Variants in SHTN1 observed in about 807,000 individuals in gnomAD.
SHTN1 encodes shootin-1.
A neutral mutation model predicts 83.1 loss-of-function variants in SHTN1; 42 were observed. The observed-to-expected ratio is 0.51, with a 90% CI of 0.39 to 0.65. The LOEUF (loss-of-function observed/expected upper bound fraction) is 0.65. Ranked by LOEUF, SHTN1 falls within the 30% of genes least tolerant of loss-of-function variation. The probability of loss-of-function intolerance (pLI) is 0.00; values close to 1 mark genes in which losing one functional copy is unlikely to be tolerated. For synonymous variants in SHTN1, 224 were observed against 247.7 expected, an observed-to-expected ratio of 0.90 and a Z score of 0.90; for missense variants, 622 against 737.8, an observed-to-expected ratio of 0.84 and a Z score of 1.82.
At chr10:117,005,524 G>C, upstream of SHTN1, 1 of 1,003,568 alleles carries the variant, frequency 1.0e-6, no homozygotes, top group Non-Finnish European at 1.2e-6. Flanking sequence ...CTCCACTTTG[G>C]ACGCTTCCCG....
chr10:117,093,638 C>T (rs995541845), intron 1 of SHTN1, among the ~76,000 whole-genome samples: 8 of 152,178 alleles, frequency 5.3e-5, no homozygotes, highest in Admixed American at 1.3e-4. Flanking sequence ...CCAAAGGCTA[C>T]GGACTTTTTC....
At chr10:117,065,882 TGGGGAGGGGAAGGGAGGGGA>T (rs1852992893) in intron 1 of SHTN1, among the ~76,000 whole-genome samples, 1 of 23,556 alleles carries the variant, frequency 4.2e-5, no homozygotes, top group Non-Finnish European at 7.6e-5. Context: ...GGGAGGGAGG[TGGGGAGGGGAAGGGAGGGGA>T]GGGGAGGGGG....
At chr10:116,949,936 T>C (rs1303629014) in intron 6 of SHTN1, among the ~76,000 whole-genome samples, 1 of 152,200 alleles carries the variant, frequency 6.6e-6, no homozygotes, top group Non-Finnish European at 1.5e-5. Flanking sequence ...ATATTGAATT[T>C]AGAAAGCAGG....
chr10:116,989,734 T>G (rs1281581587), intron 1 of SHTN1, among the ~76,000 whole-genome samples: 3 of 152,196 alleles, frequency 2.0e-5, no homozygotes, highest in Admixed American at 1.3e-4. Flanking sequence ...TAAAATGAAG[T>G]GTTCTTTGTT....
chr10:116,936,052 CTCTTTTCTTCTT>C (rs902032410), intron 9 of SHTN1, among the ~76,000 whole-genome samples: 8 of 152,142 alleles, frequency 5.3e-5, no homozygotes, highest in African/African-American at 1.9e-4. Context: ...TGATTCTTCT[CTCTTTTCTTCTT>C]TATTAGTTGG....
At chr10:117,017,407 C>T (rs1166034465) in intron 2 of SHTN1, among the ~76,000 whole-genome samples, 1 of 148,554 alleles carries the variant, frequency 6.7e-6, no homozygotes, top group Non-Finnish European at 1.5e-5. Flanking sequence ...AGGAGAATGG[C>T]GTGAACCCGG....
chr10:116,920,691 C>T (rs1773648397), intron 12 of SHTN1, among the ~76,000 whole-genome samples: 1 of 152,098 alleles, frequency 6.6e-6, no homozygotes, highest in Admixed American at 6.6e-5. Context: ...AGAACCTTGA[C>T]CTTGACCTCC....
chr10:116,991,118 G>C (rs1226766964), intron 1 of SHTN1, among the ~76,000 whole-genome samples: 1 of 151,974 alleles, frequency 6.6e-6, no homozygotes, highest in Admixed American at 6.6e-5. Flanking sequence ...CCCGGGAGGC[G>C]GAGCTTGCAG....
intron 1 of SHTN1, among the ~76,000 whole-genome samples, chr10:117,078,478 A>G (rs551106367): frequency 6.6e-6 from 1 of 152,340 alleles, no homozygotes; most frequent in African/African-American, 2.4e-5. Context: ...GATTGTGGCC[A>G]CATCATTATA....
At chr10:116,963,076 T>A in intron 3 of SHTN1, among the ~76,000 whole-genome samples, 1 of 45,438 alleles carries the variant, frequency 2.2e-5, no homozygotes, top group South Asian at 1.1e-3. Context: ...TTTTTTTTTT[T>A]TTTTTTTTTT....
intron 1 of SHTN1, among the ~76,000 whole-genome samples, chr10:117,122,972 G>A (rs1347011074): frequency 6.6e-6 from 1 of 152,182 alleles, no homozygotes; most frequent in East Asian, 1.9e-4. Flanking sequence ...TAATCTGATT[G>A]GTGAGCACTA....
intron 4 of SHTN1, 57 bp downstream of exon 4, chr10:116,960,079 A>G: frequency 9.5e-7 from 1 of 1,051,146 alleles, no homozygotes; most frequent in East Asian, 2.4e-5. Flanking sequence ...GCCACTGCTT[A>G]GAAAAGCAAG....
chr10:117,022,232 A>AT (rs937532894), intron 2 of SHTN1, among the ~76,000 whole-genome samples: 1 of 152,176 alleles, frequency 6.6e-6, no homozygotes, highest in African/African-American at 2.4e-5. Context: ...TTGAATGAAT[A>AT]TTTTTTGAGA....
chr10:117,075,710 T>C (rs1449995378), intron 1 of SHTN1, among the ~76,000 whole-genome samples: 2 of 152,050 alleles, frequency 1.3e-5, no homozygotes, highest in African/African-American at 4.8e-5. Flanking sequence ...GAAGGAAGAA[T>C]AGAAATTAGT....
At chr10:117,120,676 G>A (rs985389999) in intron 1 of SHTN1, among the ~76,000 whole-genome samples, 1 of 152,144 alleles carries the variant, frequency 6.6e-6, no homozygotes, top group Non-Finnish European at 1.5e-5. Context: ...CTATGGTTTG[G>A]TAGAAGAAAC....
At chr10:116,924,423 G>A (rs968019085) in intron 11 of SHTN1, among the ~76,000 whole-genome samples, 3 of 151,258 alleles carry the variant, frequency 2.0e-5, no homozygotes, top group Non-Finnish European at 4.4e-5. Context: ...ATTTACACAC[G>A]GGAAGAAGAA....
intron 1 of SHTN1, among the ~76,000 whole-genome samples, chr10:117,084,785 A>G (rs1853324274): frequency 6.6e-6 from 1 of 152,086 alleles, no homozygotes; most frequent in Non-Finnish European, 1.5e-5. Context: ...TTTGGGTGGG[A>G]GTGACCCGAT....
At chr10:117,012,794 G>A (rs906242541) in intron 2 of SHTN1, among the ~76,000 whole-genome samples, 3 of 152,154 alleles carry the variant, frequency 2.0e-5, no homozygotes, top group East Asian at 3.8e-4. Flanking sequence ...ACCTGCCATA[G>A]ATGAGGGAAA....
chr10:117,002,097 T>C (rs1437466634), intron 1 of SHTN1, among the ~76,000 whole-genome samples: 2 of 152,200 alleles, frequency 1.3e-5, no homozygotes, highest in African/African-American at 4.8e-5. Context: ...GGGAAATGGG[T>C]ACTGCTGAAG....
Sources: allele counts gnomAD v4.1 joint callset (sites outside exome capture counted in the v4.1 genomes callset), GRCh38; gene constraint gnomAD v4.1.1; transcripts MANE v1.5; gene names NCBI Gene and HGNC (gene_info 2026-07-23, HGNC 2026-07-21).